Variants in HUWE1 observed in about 807,000 individuals in gnomAD.
HUWE1 encodes the protein E3 ubiquitin-protein ligase HUWE1.
Under a neutral mutation model 299.4 loss-of-function variants are expected in HUWE1, and 18 were observed. That is an observed-to-expected ratio of 0.06 (90% CI 0.04 to 0.09). HUWE1 has a LOEUF of 0.09. HUWE1 is among the 10% of genes least tolerant of loss of function. The pLI, the probability that HUWE1 is intolerant of heterozygous loss-of-function variation, is 1.00. For missense variants in HUWE1, 1,832 were observed against 3,462.3 expected (o/e 0.53, Z 11.82); for synonymous variants, 1,317 against 1,286.1 (o/e 1.02, Z -0.51).
intron 22 of HUWE1, among the ~76,000 whole-genome samples, chrX:53,615,253 CTT>C (rs1318561401): frequency 5.8e-5 from 6 of 103,292 alleles, no homozygotes; most frequent in African/African-American, 7.0e-5. Context: ...ATCTAAAATA[CTT>C]TTTTTTTTTT....
chrX:53,638,243 G>C lies in HUWE1; in HGVS notation c.505-3945C>G, dbSNP rs1181243283. ...TAGTCCCAGCTACTTGGGAGGCTGA[G>C]ACAGGAGAATGGCATGAACCCAGGA... is the stretch of plus-strand genomic sequence containing the variant. On this transcript the variant is annotated intron_variant, in intron 7 of 83. Coordinates refer to ENST00000262854, the MANE Select transcript of HUWE1 (RefSeq NM_031407.7). Among the ~76,000 whole-genome samples, 13 of 111,695 alleles carry C rather than the reference G, an allele frequency of 1.2e-4. 1 individual carries two copies. The highest frequency in any genetic ancestry group is 1.1e-3 in the Admixed American group (12 of 10,540).
At chrX:53,588,788 G>T (rs1402409146) in intron 36 of HUWE1, among the ~76,000 whole-genome samples, 1 of 111,947 alleles carries the variant, frequency 8.9e-6, no homozygotes, top group Non-Finnish European at 1.9e-5. Flanking sequence ...AAGGAAATGA[G>T]TATTTTAAAA....
At chrX:53,572,922 T>C (rs2062905447) in intron 47 of HUWE1, among the ~76,000 whole-genome samples, 1 of 111,302 alleles carries the variant, frequency 9.0e-6, no homozygotes. Flanking sequence ...TTCTATTTTC[T>C]TGTTAGATGC....
At chrX:53,624,318 A>G (rs1223454244) in intron 19 of HUWE1, among the ~76,000 whole-genome samples, 1 of 111,676 alleles carries the variant, frequency 9.0e-6, no homozygotes, top group Non-Finnish European at 1.9e-5. Context: ...GGATTTTACT[A>G]TTCATATTTG....
chrX:53,666,188 C>A (rs1189981688), intron 3 of HUWE1, among the ~76,000 whole-genome samples: 1 of 110,126 alleles, frequency 9.1e-6, no homozygotes, highest in African/African-American at 3.3e-5. Flanking sequence ...ACCACACAGG[C>A]ATTTCAAAGC....
intron 55 of HUWE1, among the ~76,000 whole-genome samples, 160 bp from the exon 56 acceptor site, chrX:53,560,576 C>G (rs1336455815): frequency 8.9e-6 from 1 of 111,751 alleles, no homozygotes; most frequent in African/African-American, 3.3e-5. Flanking sequence ...ACTGACACTA[C>G]CATAGCTTAT....
At chrX:53,563,871 G>A (rs1378222723) in intron 51 of HUWE1, 50 bp from the exon 52 acceptor site, 15 of 1,164,138 alleles carry the variant, frequency 1.3e-5, no homozygotes, top group Middle Eastern at 2.4e-4. Flanking sequence ...CTATCATTGT[G>A]CTAGCACCGA....
Position 53,602,555 on chromosome X carries a change from T to C in HUWE1, c.2971+9A>G, listed in dbSNP as rs1164822473. 1.0e-5 allele frequency: 11 copies of C among 1,055,451 alleles called. No homozygotes were observed. The East Asian group carries it at 1.8e-4, about 17-fold the overall frequency. The allele number at this position is 1,055,451 out of a possible 1,213,427, so 87.0% of individuals were successfully genotyped here. ...AGTAATGACTAACATTTTAGTTTCTTAGAGTTACCTGATCTTTTTCCGCCC... is the reference window on the plus strand; with the variant it reads ...AGTAATGACTAACATTTTAGTTTCTCAGAGTTACCTGATCTTTTTCCGCCC... On this transcript the variant is annotated intron_variant, in intron 28 of 83. Transcript: ENST00000262854.
At chrX:53,614,184 G>C (rs1236373540) in intron 23 of HUWE1, among the ~76,000 whole-genome samples, 1 of 111,025 alleles carries the variant, frequency 9.0e-6, no homozygotes, top group Non-Finnish European at 1.9e-5. Flanking sequence ...AGAACTGCTT[G>C]AGCCCAGGAG....
chrX:53,577,479 C>T (rs2063173097), intron 43 of HUWE1, among the ~76,000 whole-genome samples: 1 of 85,303 alleles, frequency 1.2e-5, no homozygotes, highest in African/African-American at 4.1e-5. Context: ...AAAAAAAACT[C>T]CCTCTCCCTC....
intron 33 of HUWE1, among the ~76,000 whole-genome samples, chrX:53,591,705 C>T (rs2064171343): frequency 8.9e-6 from 1 of 112,329 alleles, no homozygotes; most frequent in African/African-American, 3.2e-5. Flanking sequence ...AAATTAGGCA[C>T]AAGACTGACT....
chrX:53,604,532 G>A, intron 26 of HUWE1, 57 bp downstream of exon 26: 2 of 1,156,695 alleles, frequency 1.7e-6, no homozygotes, highest in Non-Finnish European at 2.4e-6. Flanking sequence ...CTAGGTGTAT[G>A]CCCTAGATAT....
At chrX:53,569,070 G>A (rs189510675) in intron 48 of HUWE1, among the ~76,000 whole-genome samples, 196 bp from the exon 49 acceptor site, 34 of 112,187 alleles carry the variant, frequency 3.0e-4, no homozygotes, top group Middle Eastern at 4.6e-3. Context: ...GTCTCACTCT[G>A]TAGCAGGGTG....
In HUWE1 at chrX:53,585,136, C is replaced by T; in HGVS notation, c.4877G>A (p.Arg1626His). 8.3e-7 allele frequency: 1 copy of T among 1,211,905 alleles called. No individual in the cohort carries two copies. The highest frequency in any genetic ancestry group is 1.1e-6 in the Non-Finnish European group (1 of 895,486). Reference sequence around the variant, plus strand: ...GTTGCTTGCACTGTAACTACACCAACGCCCAGAGCGATCATCAAACCAGCG... The same window carrying T: ...GTTGCTTGCACTGTAACTACACCAATGCCCAGAGCGATCATCAAACCAGCG... Reference protein sequence around the residue: ...NWRWFDDRSGRWCSYSASNNS... With the variant: ...NWRWFDDRSGHWCSYSASNNS... The change falls in exon 40 of 84, where the codon CGT becomes CAT. Residue 1626 changes from arginine to histidine, a missense_variant. Arg to His is a conservative substitution (Grantham distance 29). Around this residue, in one of 15 missense-constraint regions of HUWE1, gnomAD observed 658 missense variants for 1,282.6 expected, o/e 0.51. Transcript: ENST00000262854.
At chrX:53,538,718 A>ACTCT (rs1345879400) in intron 76 of HUWE1, 117 bp downstream of exon 76, 3 of 694,043 alleles carry the variant, frequency 4.3e-6, no homozygotes, top group South Asian at 2.4e-5. Flanking sequence ...ACACACACAC[A>ACTCT]CACACACTCT....
chrX:53,650,513 G>A (rs1041031897), intron 4 of HUWE1, among the ~76,000 whole-genome samples: 3 of 112,288 alleles, frequency 2.7e-5, no homozygotes, highest in Non-Finnish European at 5.6e-5. Flanking sequence ...CCAGTACTAT[G>A]GTCTCTGTTT....
At chrX:53,567,364 T>C (rs1444839072) in intron 49 of HUWE1, among the ~76,000 whole-genome samples, 1 of 35,768 alleles carries the variant, frequency 2.8e-5, no homozygotes, top group Non-Finnish European at 4.9e-5. Context: ...AGGGGCCACA[T>C]AGGTCAAAGG....
intron 4 of HUWE1, among the ~76,000 whole-genome samples, chrX:53,653,606 T>C (rs1557041421): frequency 8.9e-6 from 1 of 112,346 alleles, no homozygotes. Flanking sequence ...TAAGCTGAAT[T>C]GTGTGATTAA....
rs1556984109 is a variant in HUWE1, at chrX:53,595,421, G to C, written c.3164-18C>G. 2.7e-6 allele frequency: 3 copies of C among 1,119,458 alleles called. No homozygotes were observed. Among genetic ancestry groups the C allele is most frequent in the Non-Finnish European group, 3.7e-6 (3 of 815,923 alleles). The allele number at this position is 1,119,458 out of a possible 1,213,427, so 92.3% of individuals were successfully genotyped here. On this transcript the variant is annotated intron_variant, in intron 29 of 83. Transcript: ENST00000262854. ...GGAGGAAGCTGAAACCCAGAAATCAGAATAAGACTGTACAGTATTCTCAGA... is the reference window on the plus strand; with the variant it reads ...GGAGGAAGCTGAAACCCAGAAATCACAATAAGACTGTACAGTATTCTCAGA...
Sources: gnomAD v4.1 joint callset for allele counts (sites outside exome capture counted in the v4.1 genomes callset) on GRCh38, gnomAD v4.1.1 for gene constraint, gnomAD v4.1.1 regional missense constraint, MANE v1.5 for transcripts, NCBI Gene and HGNC (gene_info 2026-07-23, HGNC 2026-07-21) for gene names.